MRPS5: variants seen among roughly 807,000 people sequenced by gnomAD.
MRPS5 encodes the protein mitochondrial ribosomal protein S5.
In MRPS5, 27 loss-of-function variants were observed where a neutral mutation model predicts 51.9. The ratio of observed to expected loss-of-function variants is 0.52; its 90% confidence interval spans 0.38 to 0.72. The LOEUF (loss-of-function observed/expected upper bound fraction) is 0.72. Among genes scored for constraint, MRPS5 ranks in the 30% least tolerant of loss-of-function variants. MRPS5 has a pLI of 0.00. For synonymous variants in MRPS5, 196 were observed against 193.2 expected (o/e 1.01, Z -0.12); for missense variants, 570 against 545.7 (o/e 1.04, Z -0.44).
chr2:95,118,898 A>C (rs1676364277), intron 1 of MRPS5, among the ~76,000 whole-genome samples: 1 of 152,222 alleles, frequency 6.6e-6, no homozygotes, highest in East Asian at 1.9e-4. Context: ...TGAAACTTAG[A>C]AGAAAACATA....
intron 10 of MRPS5, among the ~76,000 whole-genome samples, chr2:95,097,806 A>C (rs887993112): frequency 1.5e-4 from 23 of 152,240 alleles, no homozygotes; most frequent in Non-Finnish European, 2.8e-4. Context: ...TTCATGACTA[A>C]AACACCAAAA....
chr2:95,119,531 G>C (rs1422377469), intron 1 of MRPS5, among the ~76,000 whole-genome samples: 1 of 151,344 alleles, frequency 6.6e-6, no homozygotes, highest in African/African-American at 2.4e-5. Flanking sequence ...AGGGTCACCC[G>C]AGCCCAGAAG....
At chr2:95,098,102 TCA>T (rs754613270) in intron 10 of MRPS5, among the ~76,000 whole-genome samples, 14 of 152,204 alleles carry the variant, frequency 9.2e-5, no homozygotes, top group Non-Finnish European at 1.3e-4. Flanking sequence ...GAAAAAATGC[TCA>T]TCATCACTGG....
intron 1 of MRPS5, 122 bp from the exon 2 acceptor site, chr2:95,118,067 T>C: frequency 2.9e-6 from 2 of 681,240 alleles, no homozygotes; most frequent in Non-Finnish European, 4.8e-6. Context: ...AAGTAATTTC[T>C]GGGCTCCAGG....
chr2:95,096,315 A>G (rs1257103340), intron 10 of MRPS5, among the ~76,000 whole-genome samples: 1 of 152,166 alleles, frequency 6.6e-6, no homozygotes, highest in African/African-American at 2.4e-5. Context: ...AAAAGAGGGA[A>G]TCCTCCCTAA....
intron 7 of MRPS5, 89 bp from the exon 8 acceptor site, chr2:95,101,812 T>A: frequency 1.2e-6 from 1 of 803,364 alleles, no homozygotes; most frequent in Non-Finnish European, 2.0e-6. Flanking sequence ...TCCTACAATA[T>A]TTCACAGCAC....
intron 10 of MRPS5, among the ~76,000 whole-genome samples, chr2:95,099,236 T>C (rs1280995275): frequency 1.4e-5 from 2 of 142,342 alleles, no homozygotes; most frequent in Non-Finnish European, 3.1e-5. Context: ...TTTTTAAAAT[T>C]AAAAAAAAAA....
intron 6 of MRPS5, 151 bp downstream of exon 6, chr2:95,106,272 A>G (rs543317453): frequency 1.4e-6 from 1 of 696,538 alleles, no homozygotes; most frequent in Admixed American, 2.2e-5. Flanking sequence ...CTGAAATTAA[A>G]GTTGCACAAT....
intron 1 of MRPS5, among the ~76,000 whole-genome samples, chr2:95,119,048 A>G (rs1331040832): frequency 6.6e-6 from 1 of 152,220 alleles, no homozygotes; most frequent in Non-Finnish European, 1.5e-5. Context: ...ACTATCAAGA[A>G]AGTGAAAAGA....
chr2:95,111,728 C>T (rs893681490), intron 3 of MRPS5, among the ~76,000 whole-genome samples: 48 of 152,206 alleles, frequency 3.2e-4, no homozygotes, highest in African/African-American at 1.1e-3. Flanking sequence ...AATGTATATT[C>T]TGCCTTTTTC....
chr2:95,105,830 G>A (rs1675932788), intron 6 of MRPS5, among the ~76,000 whole-genome samples: 1 of 152,170 alleles, frequency 6.6e-6, no homozygotes, highest in Non-Finnish European at 1.5e-5. Context: ...TACATTCAGA[G>A]GCTCAATCAC....
At chr2:95,114,638 G>A (rs142479720) in intron 3 of MRPS5, among the ~76,000 whole-genome samples, 1,542 of 152,280 alleles carry the variant, frequency 0.01, 25 homozygotes, top group Middle Eastern at 0.024. Context: ...TACCTGACAA[G>A]CTAGTCTCAG....
At position 95,090,488 on chromosome 2, in the gene MRPS5, G is replaced by A; in HGVS notation, c.966C>T (p.Thr322=). 1 of 1,614,192 alleles carries A rather than the reference G, an allele frequency of 6.2e-7. No homozygotes were observed. The highest frequency in any genetic ancestry group is 8.5e-7 in the Non-Finnish European group (1 of 1,180,038). ...CTTTGATGCCAATGAGCCGGCAGAT[G>A]GTGATGATGGCCCTGTGGCAGCGGA... ...YGLRCHRAII[T]ICRLIGIKDM... Residue 322 remains threonine (T), a synonymous_variant, in exon 11 of 12, where the codon ACC becomes ACT. Transcript: ENST00000272418.
chr2:95,087,703 T>G, intron 11 of MRPS5, 122 bp from the exon 12 acceptor site: 1 of 791,758 alleles, frequency 1.3e-6, no homozygotes, highest in South Asian at 1.9e-5. Context: ...TCAGTGGATT[T>G]GGGTTAATGT....
intron 10 of MRPS5, among the ~76,000 whole-genome samples, chr2:95,096,327 T>A (rs1218966616): frequency 2.6e-5 from 4 of 152,164 alleles, no homozygotes; most frequent in East Asian, 1.9e-4. Context: ...CCTCCCTAAC[T>A]CATTTTATGA....
chr2:95,101,284 G>A (rs1406386811), intron 8 of MRPS5, among the ~76,000 whole-genome samples: 1 of 151,722 alleles, frequency 6.6e-6, no homozygotes. Context: ...CTTGGGAGGC[G>A]GAGGCAGGAG....
At chr2:95,098,290 C>T (rs953917933) in intron 10 of MRPS5, among the ~76,000 whole-genome samples, 2 of 152,168 alleles carry the variant, frequency 1.3e-5, no homozygotes, top group African/African-American at 4.8e-5. Flanking sequence ...GGCGATTCCT[C>T]AGGGATCTAG....
At chr2:95,121,199 C>T (rs987298719) in intron 1 of MRPS5, among the ~76,000 whole-genome samples, 6 of 152,302 alleles carry the variant, frequency 3.9e-5, no homozygotes, top group Admixed American at 3.9e-4. Context: ...GATTTTCTGC[C>T]AAATGACTTC....
intron 1 of MRPS5, among the ~76,000 whole-genome samples, chr2:95,121,359 G>A (rs772561284): frequency 1.3e-5 from 2 of 152,216 alleles, no homozygotes; most frequent in Non-Finnish European, 2.9e-5. Flanking sequence ...GCGTCTCCTA[G>A]AGATAAACGT....
Sources: allele counts gnomAD v4.1 joint callset (sites outside exome capture counted in the v4.1 genomes callset), GRCh38; gene constraint gnomAD v4.1.1; transcripts MANE v1.5; gene names NCBI Gene and HGNC (gene_info 2026-07-23, HGNC 2026-07-21).